The following XPO4 variants were observed in gnomAD, a reference collection of about 807,000 sequenced individuals.
XPO4 encodes exportin 4, also known as exportin-4.
Under a neutral mutation model 143.0 loss-of-function variants are expected in XPO4, and 39 were observed. That is an observed-to-expected ratio of 0.27 (90% CI 0.21 to 0.36). The LOEUF is 0.36. Ranked by LOEUF, XPO4 falls within the 10% of genes least tolerant of loss-of-function variation. The pLI is 1.00. For missense variants in XPO4, 907 were observed against 1,348.0 expected, an observed-to-expected ratio of 0.67 and a Z score of 5.12; for synonymous variants, 439 against 474.0, an observed-to-expected ratio of 0.93 and a Z score of 0.96.
chr13:20,792,624 A>G (rs531856060), intron 18 of XPO4, among the ~76,000 whole-genome samples: 74 of 150,788 alleles, frequency 4.9e-4, no homozygotes, highest in Non-Finnish European at 1.0e-3. Flanking sequence ...GCGGGTTCCT[A>G]TAATCCCAGC....
Position 20,783,828 on chromosome 13 carries a change from G to A in XPO4, c.3350C>T (p.Thr1117Ile), listed in dbSNP as rs564244765. Reference sequence around the variant, plus strand: ...CAGCGTAGGAGGAGTGCTGCTTGCAGTGAGCTTGTTGAAGGCATCTGCTAA... The same window carrying A: ...CAGCGTAGGAGGAGTGCTGCTTGCAATGAGCTTGTTGAAGGCATCTGCTAA... ...QRLADAFNKL[T>I]ASSTPPTLDR... Residue 1117 changes from threonine to isoleucine, a missense_variant, in exon 23 of 23, where the codon ACT becomes ATT. Coordinates refer to ENST00000255305, the MANE Select transcript of XPO4 (RefSeq NM_022459.5). 7.4e-6 allele frequency: 12 copies of A among 1,614,092 alleles called. No individual in the cohort carries two copies. Among genetic ancestry groups the A allele is most frequent in the South Asian group, 1.1e-5 (1 of 91,088 alleles).
At chr13:20,887,591 A>G (rs940455788) in intron 1 of XPO4, among the ~76,000 whole-genome samples, 3 of 152,240 alleles carry the variant, frequency 2.0e-5, no homozygotes, top group African/African-American at 7.2e-5. Flanking sequence ...ACTGTGGCTC[A>G]TGCCTGTAAT....
intron 13 of XPO4, 65 bp downstream of exon 13, chr13:20,807,392 C>T: frequency 6.7e-7 from 1 of 1,482,784 alleles, no homozygotes; most frequent in Non-Finnish European, 9.1e-7. Flanking sequence ...GTCATCTACC[C>T]ATCAACTCAG....
At chr13:20,892,894 A>T (rs1566630852) in intron 1 of XPO4, among the ~76,000 whole-genome samples, 1 of 151,610 alleles carries the variant, frequency 6.6e-6, no homozygotes, top group African/African-American at 2.4e-5. Flanking sequence ...AAAAATAAAA[A>T]AAAAAAAATA....
In XPO4 at chr13:20,843,949, A is replaced by G. The variant is rs568098646; in HGVS notation, c.457-63T>C. The G allele has an allele frequency of 6.4e-6, 8 of 1,244,016 alleles. 1 individual carries two copies. The South Asian group carries it at 9.7e-5, about 15-fold the overall frequency. The allele number at this position is 1,244,016 out of a possible 1,614,324, so 77.1% of individuals were successfully genotyped here. On this transcript the variant is annotated intron_variant, in intron 4 of 22. Coordinates refer to ENST00000255305, the MANE Select transcript of XPO4 (RefSeq NM_022459.5). Reference sequence around the variant, plus strand: ...CTGTTTCAACGCTTTGTTTCAATGCATTTGTTCAAACATAATAGAACATTT... The same window carrying G: ...CTGTTTCAACGCTTTGTTTCAATGCGTTTGTTCAAACATAATAGAACATTT...
intron 18 of XPO4, among the ~76,000 whole-genome samples, chr13:20,791,975 A>G (rs1456244534): frequency 6.6e-6 from 1 of 152,152 alleles, no homozygotes; most frequent in Non-Finnish European, 1.5e-5. Flanking sequence ...CCTGGATTCT[A>G]CCCAAGGAAC....
Position 20,807,470 on chromosome 13 carries a change from C to G in XPO4, c.1804G>C (p.Asp602His). ...AGTTTATATTACCTAATCACAGAAT[C>G]TGTTCTGTTGTACCCTGGGATGGAA... is the stretch of plus-strand genomic sequence containing the variant. ...ASSIPGYNRT[D>H]SVIRLLSAIL... The change falls in exon 13 of 23, where the codon GAT becomes CAT. Residue 602 changes from aspartate to histidine, a missense_variant. Transcript: ENST00000255305. 1 of 1,611,926 alleles carries G rather than the reference C, an allele frequency of 6.2e-7. No individual in the cohort carries two copies. Among genetic ancestry groups the G allele is most frequent in the Non-Finnish European group, 8.5e-7 (1 of 1,179,284 alleles).
At chr13:20,859,484 C>T (rs1392689636) in intron 3 of XPO4, among the ~76,000 whole-genome samples, 1 of 152,152 alleles carries the variant, frequency 6.6e-6, no homozygotes, top group Non-Finnish European at 1.5e-5. Flanking sequence ...CCTGTAGTCC[C>T]AGCTACTCGG....
At chr13:20,876,957 A>T (rs1347157808) in intron 1 of XPO4, among the ~76,000 whole-genome samples, 2 of 152,192 alleles carry the variant, frequency 1.3e-5, no homozygotes, top group African/African-American at 4.8e-5. Context: ...CCATGCCCAC[A>T]TCCTGCTGAT....
chr13:20,850,187 G>A, intron 4 of XPO4: 2 of 985,072 alleles, frequency 2.0e-6, no homozygotes, highest in Non-Finnish European at 2.4e-6. Flanking sequence ...AATATTGTTT[G>A]AGAGAAAAAC....
chr13:20,853,123 G>T, intron 4 of XPO4: 1 of 831,132 alleles, frequency 1.2e-6, no homozygotes, highest in Non-Finnish European at 1.5e-6. Context: ...TTGAGCCCAG[G>T]AGTTCGAGAC....
chr13:20,828,649 GAT>G (rs1318194857), intron 6 of XPO4, among the ~76,000 whole-genome samples: 1 of 152,068 alleles, frequency 6.6e-6, no homozygotes, highest in Non-Finnish European at 1.5e-5. Flanking sequence ...CTATTCGACT[GAT>G]TAACAAAAGT....
Position 20,796,906 on chromosome 13 carries a change from G to T in XPO4, c.2474C>A (p.Ala825Glu). ...IAEATQIDNV[A>E]ILFNFLMDFL... ...GTCCATTAAAAAATTAAACAGGATT[G>T]CTACGTTGTCAATCTGGGTAGCCTC... is the stretch of plus-strand genomic sequence containing the variant. Residue 825 changes from alanine to glutamate, a missense_variant, in exon 17 of 23, where the codon GCA becomes GAA. Ala to Glu is a moderately radical substitution (Grantham distance 107). Transcript: ENST00000255305. 6.2e-7 allele frequency: 1 copy of T among 1,614,116 alleles called. No homozygotes were observed. The highest frequency in any genetic ancestry group is 8.5e-7 in the Non-Finnish European group (1 of 1,180,022).
chr13:20,875,684 C>T (rs2060343923), intron 1 of XPO4, among the ~76,000 whole-genome samples: 1 of 152,072 alleles, frequency 6.6e-6, no homozygotes, highest in African/African-American at 2.4e-5. Flanking sequence ...CAGGCCTGCC[C>T]TATCTCAAAA....
chr13:20,871,204 G>A (rs555400921), intron 1 of XPO4, among the ~76,000 whole-genome samples: 6 of 151,608 alleles, frequency 4.0e-5, no homozygotes, highest in Admixed American at 6.6e-5. Context: ...TTCCTGAGAC[G>A]GAATCTCACT....
chr13:20,882,826 G>T (rs1354288757), intron 1 of XPO4, among the ~76,000 whole-genome samples: 1 of 151,666 alleles, frequency 6.6e-6, no homozygotes, highest in African/African-American at 2.4e-5. Flanking sequence ...GGCAGAGGTT[G>T]CAGTGAGCCG....
chr13:20,866,124 G>A (rs1289542754), intron 2 of XPO4: 20 of 983,822 alleles, frequency 2.0e-5, no homozygotes, highest in Non-Finnish European at 2.4e-5. Flanking sequence ...TTTTTTAAAG[G>A]AACATTTGAT....
At chr13:20,871,747 C>A (rs1339904253) in intron 1 of XPO4, among the ~76,000 whole-genome samples, 2 of 152,104 alleles carry the variant, frequency 1.3e-5, no homozygotes, top group African/African-American at 2.4e-5. Context: ...ATTCTACAAA[C>A]AAAAATTGTC....
At chr13:20,889,726 C>G (rs2060493428) in intron 1 of XPO4, among the ~76,000 whole-genome samples, 1 of 152,130 alleles carries the variant, frequency 6.6e-6, no homozygotes, top group African/African-American at 2.4e-5. Flanking sequence ...TATTCTGTGA[C>G]AAGAATCCAA....
Sources: gnomAD v4.1 joint callset for allele counts (sites outside exome capture counted in the v4.1 genomes callset) on GRCh38, gnomAD v4.1.1 for gene constraint, MANE v1.5 for transcripts, NCBI Gene and HGNC (gene_info 2026-07-23, HGNC 2026-07-21) for gene names.